S100Z: variants seen among roughly 807,000 people sequenced by gnomAD.
S100Z encodes S100 calcium binding protein Z, also known as protein S100-Z.
S100Z carries 11 observed loss-of-function variants against 8.5 expected under a neutral mutation model. The ratio of observed to expected loss-of-function variants is 1.30; its 90% confidence interval spans 0.82 to 2.15. S100Z has a LOEUF of 2.15. Ranked by LOEUF, S100Z falls within the 30% of genes most tolerant of loss-of-function variation. The probability of loss-of-function intolerance (pLI) is 0.00; values close to 1 mark genes in which losing one functional copy is unlikely to be tolerated. For synonymous variants in S100Z, 34 were observed against 43.8 expected, an observed-to-expected ratio of 0.78 and a Z score of 0.89; for missense variants, 126 against 117.9, an observed-to-expected ratio of 1.07 and a Z score of -0.32.
chr5:76,900,545 G>A (rs1744194179), intron 4 of S100Z, among the ~76,000 whole-genome samples: 1 of 151,958 alleles, frequency 6.6e-6, no homozygotes, highest in African/African-American at 2.4e-5. Context: ...TATGCCAATT[G>A]CATTTTTTAG....
At chr5:76,897,982 C>T (rs1424952727) in intron 4 of S100Z, among the ~76,000 whole-genome samples, 1 of 152,098 alleles carries the variant, frequency 6.6e-6, no homozygotes, top group Non-Finnish European at 1.5e-5. Context: ...ATATCCTTCT[C>T]TTGTCTGATT....
At chr5:76,865,315 G>T (rs1751234169) in intron 1 of S100Z, among the ~76,000 whole-genome samples, 1 of 148,408 alleles carries the variant, frequency 6.7e-6, no homozygotes, top group Non-Finnish European at 1.5e-5. Flanking sequence ...TGCGATCTTG[G>T]CTCACTGCAA....
the S100Z span, among the ~76,000 whole-genome samples, chr5:76,937,139 T>G: frequency 1.3e-5 from 2 of 152,240 alleles, no homozygotes; most frequent in South Asian, 4.2e-4. Context: ...AGATAAGATA[T>G]TGGAAATGGC....
At chr5:76,900,745 T>C (rs1050079422) in intron 4 of S100Z, among the ~76,000 whole-genome samples, 3 of 151,846 alleles carry the variant, frequency 2.0e-5, no homozygotes, top group African/African-American at 7.3e-5. Context: ...CTTATTTAGT[T>C]CATTTAATGA....
the S100Z span, among the ~76,000 whole-genome samples, chr5:76,944,180 T>A: frequency 6.6e-6 from 1 of 152,164 alleles, no homozygotes; most frequent in Non-Finnish European, 1.5e-5. Flanking sequence ...CTCCTCCTTT[T>A]CCTGAGGTTT....
At chr5:76,918,353 C>T (rs1396707848) in intron 4 of S100Z, among the ~76,000 whole-genome samples, 1 of 152,042 alleles carries the variant, frequency 6.6e-6, no homozygotes, top group Non-Finnish European at 1.5e-5. Context: ...ACTACAGGTG[C>T]GTGCCACTAT....
At chr5:76,905,558 G>T (rs1271939645) in intron 4 of S100Z, among the ~76,000 whole-genome samples, 2 of 151,828 alleles carry the variant, frequency 1.3e-5, no homozygotes, top group Non-Finnish European at 2.9e-5. Context: ...GACTACAGGC[G>T]CCTACCACCA....
At chr5:76,890,294 G>A (rs1743812006) in intron 4 of S100Z, among the ~76,000 whole-genome samples, 1 of 152,174 alleles carries the variant, frequency 6.6e-6, no homozygotes, top group African/African-American at 2.4e-5. Flanking sequence ...AAAATGCTGG[G>A]ATTACAGGTG....
At chr5:76,928,933 G>T in the S100Z span, among the ~76,000 whole-genome samples, 3 of 152,224 alleles carry the variant, frequency 2.0e-5, no homozygotes, top group African/African-American at 4.8e-5. Flanking sequence ...GTAGAGACAA[G>T]GTCTCACTAT....
downstream of S100Z, among the ~76,000 whole-genome samples, chr5:76,923,931 C>G (rs1745090058): frequency 6.6e-6 from 1 of 152,300 alleles, no homozygotes; most frequent in African/African-American, 2.4e-5. Flanking sequence ...TTCCCCACCC[C>G]CCAATTCTCT....
Position 76,861,009 on chromosome 5 carries a change from G to A in S100Z, c.-175-9157G>A, listed in dbSNP as rs563287030. 6.7e-4 allele frequency among the ~76,000 whole-genome samples: 102 copies of A among 152,306 alleles called. No individual in the cohort carries two copies. The Middle Eastern group carries it at 0.01, about 15-fold the overall frequency. On this transcript the variant is annotated intron_variant, in intron 1 of 4. Coordinates refer to ENST00000317593, the MANE Select transcript of S100Z (RefSeq NM_130772.4). ...AAGCTATATTAGGATCTATTGTTCC[G>A]TAACAATTTATCCCTAAATTTAGCA... is the stretch of plus-strand genomic sequence containing the variant.
At chr5:76,871,267 G>C (rs1258718901) in intron 2 of S100Z, among the ~76,000 whole-genome samples, 1 of 152,158 alleles carries the variant, frequency 6.6e-6, no homozygotes, top group Admixed American at 6.6e-5. Context: ...CATCTATAGA[G>C]AATCTCCATT....
chr5:76,866,116 G>A (rs1176908656), intron 1 of S100Z, among the ~76,000 whole-genome samples: 1 of 146,394 alleles, frequency 6.8e-6, no homozygotes, highest in Non-Finnish European at 1.5e-5. Context: ...ACAGGGTGTT[G>A]CTCTGTCACC....
the S100Z span, among the ~76,000 whole-genome samples, chr5:76,928,553 G>C: frequency 6.6e-6 from 1 of 152,182 alleles, no homozygotes; most frequent in African/African-American, 2.4e-5. Context: ...ACAGAAAGTA[G>C]CAAAATATCA....
At chr5:76,945,952 G>T in the S100Z span, among the ~76,000 whole-genome samples, 3 of 152,124 alleles carry the variant, frequency 2.0e-5, no homozygotes, top group African/African-American at 7.2e-5. Flanking sequence ...ACCCCTTCAG[G>T]AATTGAGGTA....
At chr5:76,918,078 G>A (rs979465128) in intron 4 of S100Z, among the ~76,000 whole-genome samples, 6 of 152,262 alleles carry the variant, frequency 3.9e-5, no homozygotes, top group Non-Finnish European at 8.8e-5. Context: ...AATTTTGATT[G>A]ATAACGTCAA....
chr5:76,872,004 A>T (rs1212422182), intron 2 of S100Z, among the ~76,000 whole-genome samples: 2 of 152,250 alleles, frequency 1.3e-5, no homozygotes, highest in African/African-American at 4.8e-5. Flanking sequence ...TGGGAGGCTA[A>T]GGCAGGAGGA....
downstream of S100Z, among the ~76,000 whole-genome samples, chr5:76,922,128 C>G (rs1745059115): frequency 6.6e-6 from 1 of 152,160 alleles, no homozygotes; most frequent in South Asian, 2.1e-4. Context: ...TTAGAAGCTG[C>G]CTCAGAATCA....
intron 1 of S100Z, among the ~76,000 whole-genome samples, chr5:76,855,530 G>A (rs557000534): frequency 6.6e-6 from 1 of 152,268 alleles, no homozygotes; most frequent in African/African-American, 2.4e-5. Flanking sequence ...GCCCTGCTGG[G>A]TTTCAGACTT....
Sources: gnomAD v4.1 joint callset for allele counts (sites outside exome capture counted in the v4.1 genomes callset) on GRCh38, gnomAD v4.1.1 for gene constraint, MANE v1.5 for transcripts, NCBI Gene and HGNC (gene_info 2026-07-23, HGNC 2026-07-21) for gene names.